NUTM2E: variants seen among roughly 807,000 people sequenced by gnomAD.
The protein encoded by NUTM2E is family with sequence similarity 22, member E.
A neutral mutation model predicts 26.1 loss-of-function variants in NUTM2E; 3 were observed. That is an observed-to-expected ratio of 0.12 (90% confidence interval 0.05 to 0.30). The LOEUF is 0.30. Among genes scored for constraint, NUTM2E ranks in the 10% least tolerant of loss-of-function variants. The pLI is 1.00. For missense variants in NUTM2E, 62 were observed against 381.3 expected, an observed-to-expected ratio of 0.16 and a Z score of 6.97; for synonymous variants, 13 against 157.5, an observed-to-expected ratio of 0.08 and a Z score of 6.87.
At chr10:79,827,795 G>GTTTTTTTTTTTT (rs57414762) in intron 1 of NUTM2E, among the ~76,000 whole-genome samples, 7 of 127,732 alleles carry the variant, frequency 5.5e-5, no homozygotes, top group East Asian at 4.5e-4. Context: ...TTTTTTTTTT[G>GTTTTTTTTTTTT]TTTTTTTTTT....
intron 1 of NUTM2E, among the ~76,000 whole-genome samples, chr10:79,834,309 A>G (rs1442560722): frequency 6.6e-6 from 1 of 151,770 alleles, no homozygotes; most frequent in Non-Finnish European, 1.5e-5. Context: ...TACCTATGTA[A>G]CAAGCCTGCA....
rs556311408 is a variant in NUTM2E at position 79,829,697 on chromosome 10, G to A, written c.-2728+2340G>A. Among the ~76,000 whole-genome samples, 6 of 151,868 alleles carry A rather than the reference G, an allele frequency of 4.0e-5. No homozygotes were observed. The East Asian group carries it at 1.2e-3, about 29-fold the overall frequency. ...TAGCTAAATGGCCTGCGAAGAGAAG[G>A]GAATGTCAAATAACAGGCAAAATAG... On this transcript the variant is annotated intron_variant, in intron 1 of 9. Coordinates refer to ENST00000429984, the MANE Select transcript of NUTM2E (RefSeq NM_001355263.2).
At chr10:79,848,391 G>A in intron 7 of NUTM2E, 122 bp from the exon 8 acceptor site, 2 of 247,180 alleles carry the variant, frequency 8.1e-6, no homozygotes, top group East Asian at 5.2e-5. Flanking sequence ...GGGGCGCTGC[G>A]GTTCAGGTGG....
rs1841987736 is a variant in NUTM2E, at chr10:79,839,762, G to A, written c.-1979G>A. ...CGCCATTCCTCTACTGGGTGGAGGA[G>A]CATGTGTCCTCTGAACAGGGGATCC... On this transcript the variant is annotated 5_prime_UTR_variant, in exon 4 of 10. Coordinates refer to ENST00000429984, the MANE Select transcript of NUTM2E (RefSeq NM_001355263.2). Among the ~76,000 whole-genome samples, 1 of 151,122 alleles carries A rather than the reference G, an allele frequency of 6.6e-6. No individual in the cohort carries two copies. Among genetic ancestry groups the A allele is most frequent in the African/African-American group, 2.4e-5 (1 of 40,978 alleles).
intron 1 of NUTM2E, among the ~76,000 whole-genome samples, chr10:79,827,795 G>GTTTTTTTTTTTTTTTTTTTT (rs57414762): frequency 7.8e-6 from 1 of 127,738 alleles, no homozygotes; most frequent in African/African-American, 3.0e-5. Flanking sequence ...TTTTTTTTTT[G>GTTTTTTTTTTTTTTTTTTTT]TTTTTTTTTT....
At chr10:79,849,066 CTGTGTGTCTT>C (rs759325645) in intron 8 of NUTM2E, among the ~76,000 whole-genome samples, 171 bp downstream of exon 8, 1,234 of 111,520 alleles carry the variant, frequency 0.011, 26 homozygotes, top group Admixed American at 0.084. Flanking sequence ...TGGTTTGTTA[CTGTGTGTCTT>C]TGTGTGTCTG....
At chr10:79,832,620 G>A (rs1487048585) in intron 1 of NUTM2E, among the ~76,000 whole-genome samples, 1 of 151,540 alleles carries the variant, frequency 6.6e-6, no homozygotes, top group Non-Finnish European at 1.5e-5. Flanking sequence ...AAAGTATATG[G>A]GGGCCACCTT....
At position 79,831,977 on chromosome 10, in the gene NUTM2E, C is replaced by T. The variant is rs537235473; in HGVS notation, c.-2728+4620C>T. Among the ~76,000 whole-genome samples the T allele has an allele frequency of 5.3e-5, 8 of 152,070 alleles. No homozygotes were observed. In the South Asian group the frequency reaches 1.5e-3, roughly 28 times the overall value. ...TGATGAGGGCCTGTTTCTTTGTTTG[C>T]ACATGGCCATTTTCTCATTGTATAC... On this transcript the variant is annotated intron_variant, in intron 1 of 9. Transcript: ENST00000429984.
chr10:79,827,533 T>C (rs1323537191), intron 1 of NUTM2E, 176 bp downstream of exon 1: 2 of 149,590 alleles, frequency 1.3e-5, no homozygotes, highest in Non-Finnish European at 3.0e-5. Flanking sequence ...TAGAGCAATG[T>C]CTTTCTTGTA....
At chr10:79,833,793 G>T (rs1841943496) in intron 1 of NUTM2E, among the ~76,000 whole-genome samples, 1 of 151,804 alleles carries the variant, frequency 6.6e-6, no homozygotes, top group Non-Finnish European at 1.5e-5. Flanking sequence ...CATTGTGGAA[G>T]ACAGTGTGGT....
intron 1 of NUTM2E, among the ~76,000 whole-genome samples, chr10:79,834,175 A>G (rs1044941955): frequency 2.0e-5 from 3 of 150,776 alleles, no homozygotes; most frequent in African/African-American, 7.3e-5. Context: ...ACGTGGGCAC[A>G]TGGAGGGAAA....
intron 1 of NUTM2E, among the ~76,000 whole-genome samples, chr10:79,829,209 G>C (rs532913557): frequency 8.0e-4 from 122 of 151,754 alleles, no homozygotes; most frequent in African/African-American, 2.8e-3. Context: ...GTGGGACAGG[G>C]GTGATATACT....
At chr10:79,834,150 G>A (rs1841945703) in intron 1 of NUTM2E, among the ~76,000 whole-genome samples, 1 of 151,334 alleles carries the variant, frequency 6.6e-6, no homozygotes, top group African/African-American at 2.4e-5. Flanking sequence ...TCAGAAGTGG[G>A]AGTTGAACAA....
At position 79,838,426 on chromosome 10, in the gene NUTM2E, T is replaced by A. The variant is rs1172140841; in HGVS notation, c.-2610T>A. 6.9e-6 allele frequency among the ~76,000 whole-genome samples: 1 copy of A among 144,028 alleles called. No homozygotes were observed. Among genetic ancestry groups the A allele is most frequent in the Non-Finnish European group, 1.5e-5 (1 of 66,168 alleles). 94.5% of individuals were successfully genotyped at this position (144,028 alleles called of 152,430 possible). On this transcript the variant is annotated 5_prime_UTR_variant, in exon 2 of 10. Transcript: ENST00000429984. ...GGTCGTCCGTGAGAACTTCACTGTT[T>A]TACGAGGACAGGAGCTACTTCTTTG...
At chr10:79,838,197 A>G (rs1443708006) in intron 1 of NUTM2E, among the ~76,000 whole-genome samples, 112 bp from the exon 2 acceptor site, 5 of 145,612 alleles carry the variant, frequency 3.4e-5, no homozygotes, top group African/African-American at 1.3e-4. Flanking sequence ...CACATAAGTA[A>G]GCGATTCTCA....
At chr10:79,845,613 C>T (rs1339025379) in intron 5 of NUTM2E, among the ~76,000 whole-genome samples, 8 of 100,374 alleles carry the variant, frequency 8.0e-5, no homozygotes, top group African/African-American at 2.5e-4. Flanking sequence ...CCCAAAGCCA[C>T]GGGCTCCAGT....
At chr10:79,834,813 C>T (rs1312271543) in intron 1 of NUTM2E, among the ~76,000 whole-genome samples, 2 of 84,906 alleles carry the variant, frequency 2.4e-5, no homozygotes, top group East Asian at 3.3e-4. Flanking sequence ...TGACAGAATA[C>T]CTACACACAC....
rs1255203921 is a variant in NUTM2E, at chr10:79,829,939, T to TA, written c.-2728+2583dup. 2.5e-4 allele frequency among the ~76,000 whole-genome samples: 38 copies of TA among 151,166 alleles called. 1 individual carries two copies. The South Asian group carries it at 7.8e-3, about 31-fold the overall frequency. On this transcript the variant is annotated intron_variant, in intron 1 of 9. Coordinates refer to ENST00000429984, the MANE Select transcript of NUTM2E (RefSeq NM_001355263.2). ...ACAAATATTTACCACTGCTTTAAAATACATTTATTGTACTCAGGAGAAGAG... is the reference window on the plus strand; with the variant it reads ...ACAAATATTTACCACTGCTTTAAAATAACATTTATTGTACTCAGGAGAAGAG...
rs1393057336 is a variant in NUTM2E at position 79,838,858 on chromosome 10, C to G, written c.-2371C>G. On this transcript the variant is annotated 5_prime_UTR_variant, in exon 3 of 10. Coordinates refer to ENST00000429984, the MANE Select transcript of NUTM2E (RefSeq NM_001355263.2). Reference sequence around the variant, plus strand: ...GCTCTCGCGCTGCGCGTCTCCCTGCCATCAACCGCCGCAACTGGCGCTGGG... The same window carrying G: ...GCTCTCGCGCTGCGCGTCTCCCTGCGATCAACCGCCGCAACTGGCGCTGGG... 5.3e-5 allele frequency among the ~76,000 whole-genome samples: 8 copies of G among 151,154 alleles called. No individual in the cohort carries two copies. Among genetic ancestry groups the G allele is most frequent in the African/African-American group, 1.7e-4 (7 of 41,216 alleles).
Sources: gnomAD v4.1 joint callset for allele counts (sites outside exome capture counted in the v4.1 genomes callset) on GRCh38, gnomAD v4.1.1 for gene constraint, MANE v1.5 for transcripts, NCBI Gene and HGNC (gene_info 2026-07-23, HGNC 2026-07-21) for gene names.